The following SUPT3H variants were observed in gnomAD, a reference collection of about 807,000 sequenced individuals.
SUPT3H encodes the protein SPT3 homolog, SAGA and STAGA complex component.
In SUPT3H, 44 loss-of-function variants were observed where a neutral mutation model predicts 44.3. The ratio of observed to expected loss-of-function variants is 0.99; its 90% CI spans 0.78 to 1.28. SUPT3H has a LOEUF of 1.28. Ranked by LOEUF, SUPT3H falls within the 50% of genes most tolerant of loss-of-function variation. The pLI is 0.00. For missense variants in SUPT3H, 380 were observed against 387.1 expected, an observed-to-expected ratio of 0.98 and a Z score of 0.15; for synonymous variants, 124 against 125.6, an observed-to-expected ratio of 0.99 and a Z score of 0.09.
downstream of SUPT3H, among the ~76,000 whole-genome samples, chr6:44,821,871 G>A (rs899722230): frequency 1.3e-5 from 2 of 152,046 alleles, no homozygotes; most frequent in Admixed American, 6.6e-5. Context: ...AGAAAGCAAC[G>A]ATTACCTTTT....
At chr6:44,826,673 T>TA (rs1486017955), downstream of SUPT3H, among the ~76,000 whole-genome samples, 2 of 152,162 alleles carry the variant, frequency 1.3e-5, no homozygotes, top group African/African-American at 2.4e-5. Context: ...GAGAACTACG[T>TA]AAAAAAATTC....
rs1237158437 is a variant in SUPT3H at position 45,176,226 on chromosome 6, C to T, written c.102-70220G>A. Among the ~76,000 whole-genome samples the T allele has an allele frequency of 1.1e-4, 16 of 151,430 alleles. 1 individual carries two copies. Among genetic ancestry groups the T allele is most frequent in the Non-Finnish European group, 2.1e-4 (14 of 67,882 alleles). Reference sequence around the variant, plus strand: ...CAGGTCAGTGGGTGCGCGCACCGTGCGCGAGCCGAAGCAGGGCGAGGCATT... The same window carrying T: ...CAGGTCAGTGGGTGCGCGCACCGTGTGCGAGCCGAAGCAGGGCGAGGCATT... On this transcript the variant is annotated intron_variant, in intron 2 of 10. Coordinates refer to ENST00000371459, the MANE Select transcript of SUPT3H (RefSeq NM_003599.4).
chr6:45,275,758 T>A (rs1776913962), intron 2 of SUPT3H, among the ~76,000 whole-genome samples: 1 of 152,172 alleles, frequency 6.6e-6, no homozygotes, highest in Non-Finnish European at 1.5e-5. Flanking sequence ...ACTTAAATTC[T>A]CCACTCTATT....
At position 45,081,616 on chromosome 6, in the gene SUPT3H, C is replaced by A. The variant is rs541007305; in HGVS notation, c.186+24306G>T. 2.6e-5 allele frequency among the ~76,000 whole-genome samples: 4 copies of A among 152,200 alleles called. No individual in the cohort carries two copies. The South Asian group carries it at 8.3e-4, about 32-fold the overall frequency. ...GATGAGTGAATGAATGATAGAGCTC[C>A]TCTGTGGCTAGAAATCACCATCCAA... On this transcript the variant is annotated intron_variant, in intron 3 of 10. Transcript: ENST00000371459.
intron 2 of SUPT3H, among the ~76,000 whole-genome samples, chr6:45,176,431 C>T (rs547297881): frequency 8.1e-4 from 123 of 152,238 alleles, no homozygotes; most frequent in African/African-American, 2.7e-3. Flanking sequence ...CCTACGCCCA[C>T]GGAGTCTCCC....
intron 3 of SUPT3H, among the ~76,000 whole-genome samples, chr6:45,072,589 C>T (rs532035791): frequency 1.3e-5 from 2 of 152,118 alleles, no homozygotes; most frequent in African/African-American, 4.8e-5. Flanking sequence ...CTTTTAGATT[C>T]AAGGCATAGA....
At chr6:45,067,552 A>C (rs964594732) in intron 3 of SUPT3H, among the ~76,000 whole-genome samples, 1 of 151,760 alleles carries the variant, frequency 6.6e-6, no homozygotes, top group East Asian at 1.9e-4. Flanking sequence ...GAAAATTTTC[A>C]CAACCTACTC....
At chr6:45,248,674 T>C (rs1343646077) in intron 2 of SUPT3H, among the ~76,000 whole-genome samples, 1 of 152,152 alleles carries the variant, frequency 6.6e-6, no homozygotes, top group Admixed American at 6.6e-5. Context: ...CCCAGCACTT[T>C]GGGAGGCCAA....
In SUPT3H at chr6:45,349,602, A is replaced by G. The variant is rs188282523; in HGVS notation, c.101+15599T>C. ...AGGCTCTCAGGTGATTCTAATGCAC[A>G]CTAAGGTTTGGGAACCATTGCACTG... is the stretch of plus-strand genomic sequence containing the variant. On this transcript the variant is annotated intron_variant, in intron 2 of 10. Coordinates refer to ENST00000371459, the MANE Select transcript of SUPT3H (RefSeq NM_003599.4). Among the ~76,000 whole-genome samples the G allele has an allele frequency of 9.3e-4, 141 of 152,290 alleles. 1 individual carries two copies. The Middle Eastern group carries it at 0.01, about 11-fold the overall frequency.
chr6:45,088,120 G>A (rs1238508303), intron 3 of SUPT3H, among the ~76,000 whole-genome samples: 1 of 152,026 alleles, frequency 6.6e-6, no homozygotes, highest in African/African-American at 2.4e-5. Context: ...TGCGTCTGCA[G>A]GTTTCTTCTC....
intron 3 of SUPT3H, among the ~76,000 whole-genome samples, chr6:45,036,913 G>T (rs1787761085): frequency 6.6e-6 from 1 of 152,018 alleles, no homozygotes; most frequent in Non-Finnish European, 1.5e-5. Flanking sequence ...TAGATCCCAG[G>T]ATGGATGTGC....
chr6:45,158,259 T>A (rs1446962603), intron 2 of SUPT3H, among the ~76,000 whole-genome samples: 1 of 132,942 alleles, frequency 7.5e-6, no homozygotes, highest in Non-Finnish European at 1.6e-5. Flanking sequence ...GCCTATATTT[T>A]ATATATATAA....
At chr6:44,981,868 TG>T (rs1428192468) in intron 6 of SUPT3H, among the ~76,000 whole-genome samples, 7 of 89,582 alleles carry the variant, frequency 7.8e-5, no homozygotes, top group Non-Finnish European at 1.3e-4. Context: ...CTACATGACA[TG>T]AAAAAAAAAA....
At chr6:44,974,298 TATA>T (rs58419900) in intron 6 of SUPT3H, among the ~76,000 whole-genome samples, 73,018 of 151,186 alleles carry the variant, frequency 0.48, 18,089 homozygotes, top group East Asian at 0.69. Context: ...CACATATATG[TATA>T]ATGTGTGTGT....
chr6:45,299,787 A>G (rs1376360515), intron 2 of SUPT3H, among the ~76,000 whole-genome samples: 1 of 152,008 alleles, frequency 6.6e-6, no homozygotes, highest in Non-Finnish European at 1.5e-5. Flanking sequence ...TAACAGTATC[A>G]TGTACATATA....
intron 2 of SUPT3H, among the ~76,000 whole-genome samples, chr6:45,344,067 T>C (rs966546687): frequency 1.3e-5 from 2 of 152,198 alleles, no homozygotes; most frequent in Non-Finnish European, 2.9e-5. Context: ...CAATTGTATA[T>C]ATGAAAAATT....
intron 10 of SUPT3H, among the ~76,000 whole-genome samples, chr6:44,914,144 G>A (rs979775266): frequency 6.6e-6 from 1 of 152,128 alleles, no homozygotes; most frequent in Non-Finnish European, 1.5e-5. Context: ...GGACTTCTGT[G>A]ATAAAAGTAA....
chr6:45,294,733 C>CAAAAAAAAAAAAAAAAA (rs56281990), intron 2 of SUPT3H, among the ~76,000 whole-genome samples: 1 of 36,194 alleles, frequency 2.8e-5, no homozygotes, highest in African/African-American at 1.3e-4. Flanking sequence ...ACAATAGCTG[C>CAAAAAAAAAAAAAAAAA]AAAAAAAAAA....
chr6:45,184,311 C>T (rs1292159743), intron 2 of SUPT3H, among the ~76,000 whole-genome samples: 2 of 152,102 alleles, frequency 1.3e-5, no homozygotes, highest in African/African-American at 2.4e-5. Context: ...TATTTTACCA[C>T]ATTAAAAGAC....
Sources: allele counts gnomAD v4.1 joint callset (sites outside exome capture counted in the v4.1 genomes callset), GRCh38; gene constraint gnomAD v4.1.1; transcripts MANE v1.5; gene names NCBI Gene and HGNC (gene_info 2026-07-23, HGNC 2026-07-21).